SLC4A4: variants seen among roughly 807,000 people sequenced by gnomAD.
SLC4A4 encodes solute carrier family 4 member 4.
SLC4A4 carries 27 observed loss-of-function variants against 111.5 expected under a neutral mutation model. The observed-to-expected ratio is 0.24, with a 90% CI of 0.18 to 0.33. The LOEUF is 0.33. Ranked by LOEUF, SLC4A4 falls within the 10% of genes least tolerant of loss-of-function variation. The pLI, the probability that SLC4A4 is intolerant of heterozygous loss-of-function variation, is 1.00. For missense variants in SLC4A4, 909 were observed against 1,315.5 expected, an observed-to-expected ratio of 0.69 and a Z score of 4.78; for synonymous variants, 443 against 463.4, an observed-to-expected ratio of 0.96 and a Z score of 0.57.
chr4:71,562,959 T>C (rs1737128600), intron 23 of SLC4A4, among the ~76,000 whole-genome samples: 1 of 151,764 alleles, frequency 6.6e-6, no homozygotes, highest in Admixed American at 6.6e-5. Context: ...AAACCATCTT[T>C]TTGGTACTTT....
chr4:71,537,614 G>C (rs1734671898), intron 18 of SLC4A4, among the ~76,000 whole-genome samples: 1 of 151,954 alleles, frequency 6.6e-6, no homozygotes, highest in East Asian at 1.9e-4. Context: ...CCTATCCTGG[G>C]AGATTCTTTC....
intron 2 of SLC4A4, among the ~76,000 whole-genome samples, chr4:71,174,901 T>A (rs553675309): frequency 3.4e-4 from 51 of 152,218 alleles, no homozygotes; most frequent in Non-Finnish European, 5.3e-4. Flanking sequence ...AAAATCTTTT[T>A]GTCCTTTTCT....
intron 15 of SLC4A4, among the ~76,000 whole-genome samples, chr4:71,493,968 A>T (rs1243441980): frequency 1.3e-5 from 2 of 151,822 alleles, no homozygotes; most frequent in African/African-American, 2.4e-5. Context: ...TGACTTTTTC[A>T]TAGTGTTTTG....
chr4:71,524,179 T>G (rs1431313630), intron 16 of SLC4A4, among the ~76,000 whole-genome samples: 1 of 152,144 alleles, frequency 6.6e-6, no homozygotes, highest in Non-Finnish European at 1.5e-5. Flanking sequence ...TTGTGATGTG[T>G]TTTCTGTATT....
At chr4:71,551,925 T>C (rs1019111149) in intron 20 of SLC4A4, among the ~76,000 whole-genome samples, 3 of 151,894 alleles carry the variant, frequency 2.0e-5, no homozygotes, top group Non-Finnish European at 4.4e-5. Flanking sequence ...CTGAATATAG[T>C]TGTTACTGCT....
intron 2 of SLC4A4, among the ~76,000 whole-genome samples, chr4:71,124,417 C>A (rs556979173): frequency 6.6e-6 from 1 of 151,916 alleles, no homozygotes; most frequent in South Asian, 2.1e-4. Flanking sequence ...TGATCCACCC[C>A]CCTCGACCTC....
chr4:71,166,559 G>A (rs575163481), intron 2 of SLC4A4, among the ~76,000 whole-genome samples: 1 of 152,292 alleles, frequency 6.6e-6, no homozygotes, highest in South Asian at 2.1e-4. Flanking sequence ...TTTATTTGTA[G>A]CTCTACTTCT....
chr4:71,143,397 C>T (rs1193416952), intron 2 of SLC4A4, among the ~76,000 whole-genome samples: 8 of 152,072 alleles, frequency 5.3e-5, no homozygotes, highest in South Asian at 2.1e-4. Flanking sequence ...TGAATAGTGC[C>T]GCAGTAGACA....
intron 2 of SLC4A4, among the ~76,000 whole-genome samples, chr4:71,181,826 G>A (rs1178130605): frequency 2.0e-5 from 3 of 152,122 alleles, no homozygotes; most frequent in African/African-American, 7.2e-5. Flanking sequence ...GAAAGCAGCT[G>A]TCCCTTGCCC....
At chr4:71,066,863 CTA>C (rs1741529034) in intron 1 of SLC4A4, among the ~76,000 whole-genome samples, 2 of 152,186 alleles carry the variant, frequency 1.3e-5, no homozygotes, top group African/African-American at 2.4e-5. Flanking sequence ...TTTGCTTATC[CTA>C]TACCCCTCAA....
chr4:71,286,175 G>A (rs1348950824), intron 3 of SLC4A4, among the ~76,000 whole-genome samples: 2 of 152,172 alleles, frequency 1.3e-5, no homozygotes, highest in Admixed American at 6.5e-5. Context: ...GGGAGGTGGA[G>A]CTTTCAGTGA....
At chr4:71,329,164 T>C (rs778123663) in intron 3 of SLC4A4, among the ~76,000 whole-genome samples, 5 of 152,114 alleles carry the variant, frequency 3.3e-5, no homozygotes, top group Non-Finnish European at 5.9e-5. Flanking sequence ...CTATTTATTC[T>C]GTTCCATTGG....
At chr4:71,249,187 T>G (rs188155393) in intron 2 of SLC4A4, among the ~76,000 whole-genome samples, 2 of 152,100 alleles carry the variant, frequency 1.3e-5, no homozygotes, top group Non-Finnish European at 2.9e-5. Context: ...TATTTCCCTG[T>G]TTTTCATCAC....
chr4:71,171,864 TTAAA>T (rs1278981705), intron 2 of SLC4A4, among the ~76,000 whole-genome samples: 9 of 152,232 alleles, frequency 5.9e-5, no homozygotes, highest in Non-Finnish European at 1.0e-4. Context: ...AGGCAAAGTG[TTAAA>T]TAAATAGTCA....
chr4:71,159,684 A>G (rs1037561616), intron 2 of SLC4A4, among the ~76,000 whole-genome samples: 1 of 152,148 alleles, frequency 6.6e-6, no homozygotes. Flanking sequence ...AATATTTTCT[A>G]GGAGAAATTC....
At chr4:71,465,868 A>G (rs1727263618) in intron 12 of SLC4A4, among the ~76,000 whole-genome samples, 1 of 152,140 alleles carries the variant, frequency 6.6e-6, no homozygotes, top group Non-Finnish European at 1.5e-5. Context: ...GGACAATGAA[A>G]ATGTAATGAG....
At chr4:71,166,749 C>T (rs873954) in intron 2 of SLC4A4, among the ~76,000 whole-genome samples, 14,052 of 152,164 alleles carry the variant, frequency 0.092, 1,028 homozygotes, top group African/African-American at 0.2. Context: ...CAATTTATGT[C>T]TGAGCTTCAG....
chr4:71,271,174 C>A (rs971973330), intron 3 of SLC4A4, among the ~76,000 whole-genome samples: 2 of 152,220 alleles, frequency 1.3e-5, no homozygotes, highest in East Asian at 1.9e-4. Flanking sequence ...AATACCTGAC[C>A]TTTACATAGT....
At chr4:71,401,064 T>C (rs900992609) in intron 7 of SLC4A4, among the ~76,000 whole-genome samples, 12 of 152,204 alleles carry the variant, frequency 7.9e-5, no homozygotes, top group African/African-American at 2.9e-4. Flanking sequence ...TGAACAGTTG[T>C]GATGGTGCCT....
Sources: gnomAD v4.1 joint callset for allele counts (sites outside exome capture counted in the v4.1 genomes callset) on GRCh38, gnomAD v4.1.1 for gene constraint, MANE v1.5 for transcripts, NCBI Gene and HGNC (gene_info 2026-07-23, HGNC 2026-07-21) for gene names.